MMD2: variants seen among roughly 807,000 people sequenced by gnomAD.
The protein encoded by MMD2 is monocyte to macrophage differentiation associated 2.
In MMD2, 30 loss-of-function variants were observed where a neutral mutation model predicts 33.5. That is an observed-to-expected ratio of 0.90 (90% CI 0.67 to 1.22). MMD2 has a LOEUF of 1.22. MMD2 is among the 50% of genes most tolerant of loss of function. The pLI is 0.00. For synonymous variants in MMD2, 129 were observed against 123.0 expected (o/e 1.05, Z -0.32); for missense variants, 364 against 325.4 (o/e 1.12, Z -0.91).
intron 2 of MMD2, among the ~76,000 whole-genome samples, chr7:4,925,009 C>T (rs996263885): frequency 1.3e-5 from 2 of 152,126 alleles, no homozygotes; most frequent in African/African-American, 4.8e-5. Context: ...CGGCTCACTG[C>T]AACCTCCGAC....
intron 2 of MMD2, among the ~76,000 whole-genome samples, chr7:4,922,015 C>G (rs1157972557): frequency 6.6e-6 from 1 of 150,758 alleles, no homozygotes; most frequent in Non-Finnish European, 1.5e-5. Context: ...CACCTGAGGT[C>G]AGGAGTTCAA....
rs2137500 is a variant in MMD2 at position 4,957,383 on chromosome 7, T to C, written c.47+1588A>G. 5.1e-3 allele frequency among the ~76,000 whole-genome samples: 764 copies of C among 150,786 alleles called. 4 individuals carry two copies. The highest frequency in any genetic ancestry group is 0.018 in the African/African-American group (720 of 41,076). On this transcript the variant is annotated intron_variant, in intron 1 of 6. Coordinates refer to ENST00000401401, the MANE Select transcript of MMD2 (RefSeq NM_198403.4). ...AAAAACAAAGGCCGGGGGCGGTGGGTCATGCCTGTAATCCCAGCACTTTGG... is the reference window on the plus strand; with the variant it reads ...AAAAACAAAGGCCGGGGGCGGTGGGCCATGCCTGTAATCCCAGCACTTTGG...
intron 1 of MMD2, among the ~76,000 whole-genome samples, chr7:4,955,229 T>C (rs1786351489): frequency 6.6e-6 from 1 of 152,212 alleles, no homozygotes; most frequent in African/African-American, 2.4e-5. Flanking sequence ...TGCCCAGCCA[T>C]GCACCAACAC....
intron 2 of MMD2, 25 bp downstream of exon 2, chr7:4,925,426 C>T (rs1785399461): frequency 6.6e-6 from 10 of 1,523,294 alleles, no homozygotes; most frequent in Non-Finnish European, 8.8e-6. Context: ...CATCTCAGCC[C>T]TGAGCCCCCC....
chr7:4,913,953 G>A (rs1423888602), intron 4 of MMD2, among the ~76,000 whole-genome samples: 2 of 151,964 alleles, frequency 1.3e-5, no homozygotes, highest in Non-Finnish European at 2.9e-5. Flanking sequence ...TAGCCACTGC[G>A]CCTGGCAGGT....
At chr7:4,926,124 G>A (rs1029173662) in intron 1 of MMD2, among the ~76,000 whole-genome samples, 3 of 148,128 alleles carry the variant, frequency 2.0e-5, no homozygotes, top group Non-Finnish European at 3.0e-5. Flanking sequence ...CTTACACGGG[G>A]TCTCACTCTG....
chr7:4,902,001 G>C (rs1784800723), downstream of MMD2, among the ~76,000 whole-genome samples: 1 of 152,260 alleles, frequency 6.6e-6, no homozygotes, highest in East Asian at 1.9e-4. Context: ...ACCCAGGCTG[G>C]AGTGCAGTGG....
intron 4 of MMD2, among the ~76,000 whole-genome samples, chr7:4,912,712 T>C (rs1359981123): frequency 1.3e-5 from 2 of 152,132 alleles, no homozygotes; most frequent in Non-Finnish European, 1.5e-5. Flanking sequence ...TTTCTTTTTT[T>C]GTTTGTTTTT....
chr7:4,947,679 G>A (rs1392985388), intron 1 of MMD2, among the ~76,000 whole-genome samples: 1 of 137,372 alleles, frequency 7.3e-6, no homozygotes, highest in African/African-American at 2.7e-5. Context: ...AGGTGTGAGC[G>A]ACTGCACCTG....
At chr7:4,932,499 C>G (rs1040564464) in intron 1 of MMD2, among the ~76,000 whole-genome samples, 2 of 152,100 alleles carry the variant, frequency 1.3e-5, no homozygotes, top group Non-Finnish European at 2.9e-5. Flanking sequence ...CTGCCACCGC[C>G]ACCATCAAGG....
At chr7:4,897,118 C>A in the MMD2 span, among the ~76,000 whole-genome samples, 4 of 151,764 alleles carry the variant, frequency 2.6e-5, no homozygotes, top group African/African-American at 9.7e-5. Context: ...CTTAGCACCC[C>A]CAAAGTGCTG....
At chr7:4,929,410 C>T (rs1186803280) in intron 1 of MMD2, among the ~76,000 whole-genome samples, 1 of 152,060 alleles carries the variant, frequency 6.6e-6, no homozygotes, top group Non-Finnish European at 1.5e-5. Context: ...CCATTGAAGC[C>T]CCCCCCAGGA....
intron 6 of MMD2, among the ~76,000 whole-genome samples, chr7:4,909,432 CAA>C (rs398066566): frequency 6.0e-5 from 8 of 133,506 alleles, no homozygotes; most frequent in Admixed American, 7.6e-5. Flanking sequence ...CCTGCCTCTA[CAA>C]AAAAAAAAAA....
chr7:4,943,432 C>T (rs1283227330), intron 1 of MMD2, among the ~76,000 whole-genome samples: 2 of 152,056 alleles, frequency 1.3e-5, no homozygotes, highest in Non-Finnish European at 2.9e-5. Flanking sequence ...CGTGCGCCAC[C>T]GTGCCCAGTC....
intron 1 of MMD2, among the ~76,000 whole-genome samples, chr7:4,928,731 T>A (rs1052242768): frequency 2.0e-5 from 3 of 151,734 alleles, no homozygotes; most frequent in Non-Finnish European, 4.4e-5. Flanking sequence ...ACCCTCTGTG[T>A]GCTGGCTCCC....
At position 4,907,145 on chromosome 7, in the gene MMD2, G is replaced by T; in HGVS notation, c.*251C>A. ...TTTTCTGAAGATGTTAATGTTGCTT[G>T]TATTAGGAAACACTCATCTAAAATA... On this transcript the variant is annotated 3_prime_UTR_variant, in exon 7 of 7. Coordinates refer to ENST00000401401, the MANE Select transcript of MMD2 (RefSeq NM_198403.4). The T allele has an allele frequency of 1.4e-5, 7 of 492,498 alleles. No homozygotes were observed. 30.5% of individuals were successfully genotyped at this position (492,498 alleles called of 1,614,324 possible). A position where few individuals can be genotyped will look rare whatever the true frequency, so the allele number is the denominator to read the frequency against.
chr7:4,897,973 A>G, the MMD2 span, among the ~76,000 whole-genome samples: 1 of 152,098 alleles, frequency 6.6e-6, no homozygotes, highest in Non-Finnish European at 1.5e-5. Context: ...CCTGGCCTCA[A>G]GTGATCCACC....
intron 3 of MMD2, among the ~76,000 whole-genome samples, chr7:4,919,717 C>T (rs1785226480): frequency 6.6e-6 from 1 of 152,160 alleles, no homozygotes; most frequent in Non-Finnish European, 1.5e-5. Flanking sequence ...GAAACCCCAT[C>T]TCTACCCACC....
intron 1 of MMD2, among the ~76,000 whole-genome samples, chr7:4,931,735 TTTAA>T (rs995649390): frequency 8.6e-5 from 13 of 151,924 alleles, no homozygotes; most frequent in Non-Finnish European, 4.4e-5. Context: ...CAGCTAATTT[TTTAA>T]TTTTTTGTAG....
Sources: gnomAD v4.1 joint callset for allele counts (sites outside exome capture counted in the v4.1 genomes callset) on GRCh38, gnomAD v4.1.1 for gene constraint, MANE v1.5 for transcripts, NCBI Gene and HGNC (gene_info 2026-07-23, HGNC 2026-07-21) for gene names.